The following IRF6 variants were observed in gnomAD, a reference collection of about 807,000 sequenced individuals.
The protein encoded by IRF6 is interferon regulatory factor 6, also known as Van der Woude syndrome.
IRF6 carries 6 observed loss-of-function variants against 51.4 expected under a neutral mutation model. The observed-to-expected ratio is 0.12, with a 90% CI of 0.06 to 0.23. The LOEUF (loss-of-function observed/expected upper bound fraction) is 0.23, where lower values mean the gene tolerates loss of function less well. IRF6 is among the 10% of genes least tolerant of loss of function. The pLI is 1.00. For synonymous variants in IRF6, 178 were observed against 215.7 expected, an observed-to-expected ratio of 0.83 and a Z score of 1.53; for missense variants, 348 against 585.2, an observed-to-expected ratio of 0.59 and a Z score of 4.18.
intron 5 of IRF6, among the ~76,000 whole-genome samples, chr1:209,794,035 T>C (rs2179254): frequency 0.63 from 96,560 of 152,080 alleles, 31,045 homozygotes; most frequent in African/African-American, 0.72. Flanking sequence ...AATGAACATA[T>C]GGGTACATGT....
Position 209,790,573 on chromosome 1 carries a change from C to T in IRF6, c.982G>A (p.Ala328Thr), listed in dbSNP as rs1174621537. The stretch of plus-strand genomic sequence containing the variant: ...AGGTTGGGAGCAACAAGTGATGGGG[C>T]ACATGGCCCAGACCAGTACACCTTG... ...QCKVYWSGPC[A>T]PSLVAPNLIE... The change falls in exon 7 of 9, where the codon GCC (alanine) becomes ACC (threonine). Residue 328 changes from alanine (A) to threonine (T), a missense_variant. Ala to Thr is a moderately conservative substitution (Grantham distance 58). Coordinates refer to ENST00000367021, the MANE Select transcript of IRF6 (RefSeq NM_006147.4). This position sits in a 1 kb window ranked among gnomAD's most constrained non-coding sequence, Gnocchi z 4.8. 11 of 1,614,254 alleles carry T rather than the reference C, an allele frequency of 6.8e-6. No individual in the cohort carries two copies. Among genetic ancestry groups the T allele is most frequent in the Admixed American group, 3.3e-5 (2 of 60,032 alleles).
Sources: allele counts gnomAD v4.1 joint callset (sites outside exome capture counted in the v4.1 genomes callset), GRCh38; gene constraint gnomAD v4.1.1; non-coding constraint Gnocchi (gnomAD v3.1); transcripts MANE v1.5; gene names NCBI Gene and HGNC (gene_info 2026-07-23, HGNC 2026-07-21).